The following UNC13C variants were observed in gnomAD, a reference collection of about 807,000 sequenced individuals.
UNC13C encodes protein unc-13 homolog C.
UNC13C carries 174 observed loss-of-function variants against 245.4 expected under a neutral mutation model. The observed-to-expected ratio is 0.71, with a 90% confidence interval of 0.63 to 0.80. The LOEUF is 0.80. Among genes scored for constraint, UNC13C ranks in the 30% least tolerant of loss-of-function variants. The pLI is 0.00. For missense variants in UNC13C, 2,829 were observed against 2,602.9 expected (o/e 1.09, Z -1.89); for synonymous variants, 992 against 895.1 (o/e 1.11, Z -1.93).
In UNC13C at chr15:54,524,774, C is replaced by T. The variant is rs138135164; in HGVS notation, c.5458-775C>T. ...TTTACTCCCCAAACTTGGCTTTATC[C>T]TGTCCTCTTCTTTTCAATAGTAGAT... is the stretch of plus-strand genomic sequence containing the variant. On this transcript the variant is annotated intron_variant, in intron 24 of 32. Transcript: ENST00000260323. 1.2e-3 allele frequency among the ~76,000 whole-genome samples: 183 copies of T among 152,290 alleles called. No homozygotes were observed. In the East Asian group the frequency reaches 0.032, roughly 27 times the overall value.
intron 4 of UNC13C, among the ~76,000 whole-genome samples, chr15:54,159,503 A>G (rs2032888558): frequency 6.6e-6 from 1 of 152,226 alleles, no homozygotes; most frequent in South Asian, 2.1e-4. Flanking sequence ...TGCATGTTGT[A>G]TTTAGCTATG....
At chr15:54,147,789 C>CGTGCGTGTGTGT (rs1555423229) in intron 4 of UNC13C, among the ~76,000 whole-genome samples, 1 of 147,476 alleles carries the variant, frequency 6.8e-6, no homozygotes, top group Non-Finnish European at 1.5e-5. Context: ...AAGGTGTGTG[C>CGTGCGTGTGTGT]GTGTGTGTGT....
At chr15:54,351,130 A>G (rs2038973233) in intron 17 of UNC13C, among the ~76,000 whole-genome samples, 1 of 152,164 alleles carries the variant, frequency 6.6e-6, no homozygotes, top group South Asian at 2.1e-4. Context: ...TGAAAAGTCC[A>G]GTAAACATAA....
chr15:54,331,404 C>A (rs1050309891), intron 14 of UNC13C, among the ~76,000 whole-genome samples: 2 of 152,016 alleles, frequency 1.3e-5, no homozygotes, highest in Non-Finnish European at 2.9e-5. Flanking sequence ...GAGGACAGTT[C>A]AACACTGATA....
the UNC13C span, among the ~76,000 whole-genome samples, chr15:53,853,001 CT>C: frequency 3.7e-3 from 525 of 143,746 alleles, no homozygotes; most frequent in Admixed American, 3.7e-3. Flanking sequence ...AAGGAAATAT[CT>C]TTTTTTTTTT....
At chr15:53,861,699 A>G in the UNC13C span, among the ~76,000 whole-genome samples, 13 of 152,328 alleles carry the variant, frequency 8.5e-5, no homozygotes, top group South Asian at 2.5e-3. Context: ...AATGAGTTGG[A>G]AGCAGATCCA....
intron 2 of UNC13C, among the ~76,000 whole-genome samples, chr15:54,128,908 A>G (rs12442473): frequency 0.36 from 55,223 of 151,960 alleles, 11,374 homozygotes; most frequent in Non-Finnish European, 0.47. Context: ...CTGACTCTCA[A>G]CTAGGCCTCT....
At chr15:54,227,857 C>T (rs1478479961) in intron 4 of UNC13C, among the ~76,000 whole-genome samples, 1 of 152,194 alleles carries the variant, frequency 6.6e-6, no homozygotes, top group Non-Finnish European at 1.5e-5. Flanking sequence ...GACTGGCTAC[C>T]ACCTATGTTC....
intron 4 of UNC13C, among the ~76,000 whole-genome samples, chr15:54,232,679 T>C (rs1233335286): frequency 1.3e-5 from 2 of 152,152 alleles, no homozygotes; most frequent in Admixed American, 6.5e-5. Flanking sequence ...CTATGAAAGT[T>C]GCATTATTTA....
intron 23 of UNC13C, among the ~76,000 whole-genome samples, chr15:54,508,142 T>G (rs1453881913): frequency 1.3e-5 from 2 of 151,162 alleles, no homozygotes; most frequent in East Asian, 3.9e-4. Context: ...TTATTTCTTA[T>G]TGCTATTGAT....
chr15:54,558,325 C>T (rs1046708792), intron 29 of UNC13C, among the ~76,000 whole-genome samples: 2 of 151,902 alleles, frequency 1.3e-5, no homozygotes, highest in Non-Finnish European at 2.9e-5. Flanking sequence ...GTTGTTTTTC[C>T]GAGGCCATAG....
At chr15:54,143,553 C>A in intron 3 of UNC13C, 67 bp from the exon 4 acceptor site, 1 of 1,339,700 alleles carries the variant, frequency 7.5e-7, no homozygotes, top group South Asian at 1.2e-5. Context: ...GTCCCGATTT[C>A]GTGTACATAA....
the UNC13C span, among the ~76,000 whole-genome samples, chr15:53,929,434 G>A: frequency 6.6e-6 from 1 of 152,072 alleles, no homozygotes. Flanking sequence ...GACTTTTTTG[G>A]TGAGTGTATT....
rs562796527 is a variant in UNC13C, at chr15:54,569,594, T to TTGTG, written c.6106+1663_6106+1666dup. ...TGTGCATACATCTATGTATGTTTGT[T>TTGTG]TGTGTGTGTGTGTGTGTGTATAATC... On this transcript the variant is annotated intron_variant, in intron 30 of 32. Coordinates refer to ENST00000260323, the MANE Select transcript of UNC13C (RefSeq NM_001080534.3). Among the ~76,000 whole-genome samples, 35 of 149,846 alleles carry TTGTG rather than the reference T, an allele frequency of 2.3e-4. No individual in the cohort carries two copies. In the East Asian group the frequency reaches 3.9e-3, roughly 17 times the overall value.
intron 4 of UNC13C, among the ~76,000 whole-genome samples, chr15:54,183,668 G>A (rs1042861711): frequency 1.3e-5 from 2 of 151,168 alleles, no homozygotes; most frequent in Admixed American, 6.6e-5. Flanking sequence ...GAGAATATGA[G>A]TGATGGACCA....
intron 4 of UNC13C, among the ~76,000 whole-genome samples, chr15:54,224,794 G>C (rs1019513263): frequency 1.3e-5 from 2 of 152,056 alleles, no homozygotes; most frequent in African/African-American, 4.8e-5. Flanking sequence ...TCTATGCTCA[G>C]AGGCACTTTA....
chr15:53,851,322 T>C, the UNC13C span, among the ~76,000 whole-genome samples: 1 of 152,154 alleles, frequency 6.6e-6, no homozygotes, highest in African/African-American at 2.4e-5. Context: ...TAACTCATTA[T>C]CAGTTTGATC....
chr15:53,901,044 C>T, the UNC13C span, among the ~76,000 whole-genome samples: 3 of 151,860 alleles, frequency 2.0e-5, no homozygotes, highest in South Asian at 6.2e-4. Context: ...CTCAAAAACA[C>T]ATATAAAGTA....
At chr15:53,961,303 T>C in the UNC13C span, among the ~76,000 whole-genome samples, 2 of 152,258 alleles carry the variant, frequency 1.3e-5, no homozygotes, top group East Asian at 3.9e-4. Flanking sequence ...GGGACTCTGC[T>C]GGGGCAGCCC....
Sources: gnomAD v4.1 joint callset for allele counts (sites outside exome capture counted in the v4.1 genomes callset) on GRCh38, gnomAD v4.1.1 for gene constraint, MANE v1.5 for transcripts, NCBI Gene and HGNC (gene_info 2026-07-23, HGNC 2026-07-21) for gene names.